The following CA8 variants were observed in gnomAD, a reference collection of about 807,000 sequenced individuals.
CA8 encodes the protein carbonic anhydrase-related protein.
Under a neutral mutation model 41.4 loss-of-function variants are expected in CA8, and 22 were observed. The observed-to-expected ratio is 0.53, with a 90% CI of 0.38 to 0.76. The LOEUF (loss-of-function observed/expected upper bound fraction) is 0.76. Ranked by LOEUF, CA8 falls within the 30% of genes least tolerant of loss-of-function variation. The pLI, the probability that CA8 is intolerant of heterozygous loss-of-function variation, is 0.00. For missense variants in CA8, 270 were observed against 352.8 expected, an observed-to-expected ratio of 0.77 and a Z score of 1.88; for synonymous variants, 121 against 130.6, an observed-to-expected ratio of 0.93 and a Z score of 0.50.
intron 3 of CA8, among the ~76,000 whole-genome samples, chr8:60,246,385 C>T (rs1161998202): frequency 1.3e-5 from 2 of 152,072 alleles, no homozygotes; most frequent in African/African-American, 2.4e-5. Flanking sequence ...CCCCACATCT[C>T]GGGTTCAAGC....
chr8:60,242,688 T>C (rs928338760), intron 3 of CA8, among the ~76,000 whole-genome samples: 1 of 152,154 alleles, frequency 6.6e-6, no homozygotes. Context: ...GTCTCCTTTG[T>C]AAAAGGGAGA....
chr8:60,197,545 T>C (rs1806315597), intron 8 of CA8, among the ~76,000 whole-genome samples: 1 of 152,172 alleles, frequency 6.6e-6, no homozygotes, highest in Admixed American at 6.5e-5. Flanking sequence ...AAGAGACAGT[T>C]ATCAGTTAAC....
Position 60,269,761 on chromosome 8 carries a change from G to C in CA8, c.293-3712C>G, listed in dbSNP as rs539561677. ...GTGCTGGCCACTGAGTGTATAAAGC[G>C]AGGAAGATCCAGCCTTGGTGTTGAC... On this transcript the variant is annotated intron_variant, in intron 2 of 8. Coordinates refer to ENST00000317995, the MANE Select transcript of CA8 (RefSeq NM_004056.6). Among the ~76,000 whole-genome samples, 4 of 152,278 alleles carry C rather than the reference G, an allele frequency of 2.6e-5. No individual in the cohort carries two copies. The South Asian group carries it at 8.3e-4, about 32-fold the overall frequency.
intron 8 of CA8, among the ~76,000 whole-genome samples, chr8:60,206,906 A>C (rs1295460402): frequency 1.3e-5 from 2 of 151,674 alleles, no homozygotes; most frequent in Non-Finnish European, 2.9e-5. Context: ...CCCACACCCC[A>C]GCATATAGAC....
intron 4 of CA8, among the ~76,000 whole-genome samples, chr8:60,229,739 T>A (rs1286081989): frequency 6.6e-6 from 1 of 152,098 alleles, no homozygotes; most frequent in South Asian, 2.1e-4. Context: ...CTTTCCTCTC[T>A]CCCCTTCACT....
At chr8:60,269,795 C>T (rs972012662) in intron 2 of CA8, among the ~76,000 whole-genome samples, 1 of 152,142 alleles carries the variant, frequency 6.6e-6, no homozygotes, top group Non-Finnish European at 1.5e-5. Context: ...ACTGGGCAGT[C>T]TCAGTGGTTA....
chr8:60,263,738 T>C (rs1171751475), intron 3 of CA8, among the ~76,000 whole-genome samples: 2 of 152,138 alleles, frequency 1.3e-5, no homozygotes, highest in Non-Finnish European at 2.9e-5. Context: ...CTCCTCTCTT[T>C]CACCATACCA....
chr8:60,253,512 C>T (rs1216404064), intron 3 of CA8, among the ~76,000 whole-genome samples: 2 of 152,114 alleles, frequency 1.3e-5, no homozygotes, highest in Non-Finnish European at 2.9e-5. Flanking sequence ...CTTCTTTTGC[C>T]ATCCACATCT....
At chr8:60,211,088 A>C (rs13253838) in intron 7 of CA8, among the ~76,000 whole-genome samples, 55,786 of 152,052 alleles carry the variant, frequency 0.37, 10,694 homozygotes, top group Admixed American at 0.44. Context: ...AAGACCCAAA[A>C]GATCAAATGA....
chr8:60,203,605 C>T (rs745603994), intron 8 of CA8, among the ~76,000 whole-genome samples: 4 of 152,070 alleles, frequency 2.6e-5, no homozygotes, highest in Non-Finnish European at 4.4e-5. Flanking sequence ...TTTGATACTA[C>T]TGCTTCTATA....
chr8:60,247,616 T>C (rs1237037262), intron 3 of CA8, among the ~76,000 whole-genome samples: 2 of 152,244 alleles, frequency 1.3e-5, no homozygotes, highest in African/African-American at 4.8e-5. Flanking sequence ...TAGTGTTCCA[T>C]GGTATATATG....
chr8:60,249,516 C>T (rs1182650071), intron 3 of CA8, among the ~76,000 whole-genome samples: 1 of 152,168 alleles, frequency 6.6e-6, no homozygotes, highest in Non-Finnish European at 1.5e-5. Flanking sequence ...ATAAAATTTT[C>T]ATTGTGTATT....
intron 3 of CA8, among the ~76,000 whole-genome samples, chr8:60,250,004 A>AGG (rs1246160156): frequency 6.6e-6 from 1 of 152,208 alleles, no homozygotes; most frequent in Non-Finnish European, 1.5e-5. Flanking sequence ...CATCAGAAAT[A>AGG]TAATATCCCT....
intron 7 of CA8, among the ~76,000 whole-genome samples, chr8:60,218,493 C>T (rs1807107757): frequency 6.6e-6 from 1 of 152,010 alleles, no homozygotes; most frequent in South Asian, 2.1e-4. Flanking sequence ...CCACATCAGT[C>T]TCAAAGGAGC....
At chr8:60,268,572 A>G (rs1803971456) in intron 2 of CA8, among the ~76,000 whole-genome samples, 1 of 152,224 alleles carries the variant, frequency 6.6e-6, no homozygotes, top group Non-Finnish European at 1.5e-5. Context: ...AACACTGTGG[A>G]AATTCAAACT....
chr8:60,272,102 T>C (rs181745690), intron 2 of CA8, among the ~76,000 whole-genome samples: 2 of 152,280 alleles, frequency 1.3e-5, no homozygotes, highest in East Asian at 3.9e-4. Context: ...AGAGGTAGAA[T>C]AGTGACAGGA....
At chr8:60,190,679 G>A (rs1375516137) in intron 8 of CA8, among the ~76,000 whole-genome samples, 5 of 149,726 alleles carry the variant, frequency 3.3e-5, no homozygotes, top group Non-Finnish European at 5.9e-5. Flanking sequence ...TATACTTTTG[G>A]ACTTGGAATT....
intron 3 of CA8, among the ~76,000 whole-genome samples, chr8:60,248,251 T>C (rs1563368313): frequency 6.6e-6 from 1 of 152,212 alleles, no homozygotes; most frequent in Non-Finnish European, 1.5e-5. Flanking sequence ...ACTTCTTTAG[T>C]TTAATTAGAT....
intron 7 of CA8, among the ~76,000 whole-genome samples, chr8:60,213,014 T>C (rs1435419118): frequency 6.6e-6 from 1 of 152,236 alleles, no homozygotes. Context: ...TCCATATATG[T>C]ATACAGAGAC....
Sources: gnomAD v4.1 joint callset for allele counts (sites outside exome capture counted in the v4.1 genomes callset) on GRCh38, gnomAD v4.1.1 for gene constraint, MANE v1.5 for transcripts, NCBI Gene and HGNC (gene_info 2026-07-23, HGNC 2026-07-21) for gene names.